The following LIMS2 variants were observed in gnomAD, a reference collection of about 807,000 sequenced individuals.
LIMS2 encodes LIM and senescent cell antigen-like-containing domain protein 2.
In LIMS2, 30 loss-of-function variants were observed where a neutral mutation model predicts 45.3. The ratio of observed to expected loss-of-function variants is 0.66; its 90% CI spans 0.50 to 0.90. The LOEUF is 0.90. LIMS2 is among the 40% of genes least tolerant of loss of function. LIMS2 has a pLI of 0.00. For missense variants in LIMS2, 485 were observed against 468.7 expected (o/e 1.03, Z -0.32); for synonymous variants, 173 against 188.0 (o/e 0.92, Z 0.65).
In LIMS2 at chr2:127,671,868, G is replaced by A. The variant is rs534068695; in HGVS notation, c.11+3146C>T. The stretch of plus-strand genomic sequence containing the variant: ...TTTACAGTTTGCTTAAGCCCCTGAC[G>A]CCACTGCAGCCTCGTGTGCTGTGCT... On this transcript the variant is annotated intron_variant, in intron 1 of 9. Transcript: ENST00000355119. This position sits in a 1 kb window ranked among gnomAD's most constrained non-coding sequence, Gnocchi z 4.1. Among the ~76,000 whole-genome samples, 109 of 151,590 alleles carry A rather than the reference G, an allele frequency of 7.2e-4. No individual in the cohort carries two copies. The highest frequency in any genetic ancestry group is 2.3e-3 in the African/African-American group (95 of 40,858).
intron 1 of LIMS2, among the ~76,000 whole-genome samples, chr2:127,658,164 G>A (rs1193717391): frequency 2.6e-5 from 4 of 152,192 alleles, no homozygotes; most frequent in Non-Finnish European, 5.9e-5. Flanking sequence ...CAAGGTGGGC[G>A]GATCCCTTGA....
In LIMS2 at chr2:127,654,911, CAG is replaced by C. The variant is rs1684152910; in HGVS notation, c.172-17_172-16del. The C allele has an allele frequency of 6.2e-7, 1 of 1,612,818 alleles. No homozygotes were observed. The highest frequency in any genetic ancestry group is 8.5e-7 in the Non-Finnish European group (1 of 1,179,224). Reference sequence around the variant, plus strand: ...CGGCCTTCAAACTGCAAAGGGGTCGCAGAGAGAGGACAAGCAAACCACCTATC... The same window carrying C: ...CGGCCTTCAAACTGCAAAGGGGTCGCAGAGAGGACAAGCAAACCACCTATC... On this transcript the variant is annotated splice_polypyrimidine_tract_variant and intron_variant, in intron 2 of 9. Coordinates refer to ENST00000355119, the MANE Select transcript of LIMS2 (RefSeq NM_001161403.3).
chr2:127,641,151 T>C, intron 6 of LIMS2, 163 bp from the exon 7 acceptor site: 1 of 609,912 alleles, frequency 1.6e-6, no homozygotes, highest in Non-Finnish European at 3.0e-6. Context: ...AAGCAGAGTC[T>C]GGGCAGGTGC....
intron 1 of LIMS2, among the ~76,000 whole-genome samples, chr2:127,662,482 A>G (rs1278311119): frequency 6.6e-6 from 1 of 151,932 alleles, no homozygotes; most frequent in East Asian, 1.9e-4. Flanking sequence ...ACCTGGCCAC[A>G]TGAGGTCAAC....
intron 1 of LIMS2, chr2:127,673,623 G>T: frequency 6.6e-7 from 1 of 1,524,430 alleles, no homozygotes; most frequent in Non-Finnish European, 8.9e-7. Context: ...CACCCTTCAC[G>T]GCTCTGTTCT....
At chr2:127,680,210 G>A (rs573843055), upstream of LIMS2, among the ~76,000 whole-genome samples, 1 of 152,378 alleles carries the variant, frequency 6.6e-6, no homozygotes, top group South Asian at 2.1e-4. Flanking sequence ...CTGGGCCAAA[G>A]GAAGAATAGT....
At chr2:127,639,774 T>C (rs1682218374) in intron 9 of LIMS2, among the ~76,000 whole-genome samples, 1 of 152,198 alleles carries the variant, frequency 6.6e-6, no homozygotes, top group South Asian at 2.1e-4. Flanking sequence ...CTTTTGCATA[T>C]GCTGTTCCCT....
intron 7 of LIMS2, 167 bp downstream of exon 7, chr2:127,640,729 T>C (rs1682319638): frequency 1.6e-6 from 1 of 638,022 alleles, no homozygotes; most frequent in Non-Finnish European, 2.8e-6. Context: ...TGAAGAGAGC[T>C]GCCCAGGTCT....
rs901003319 is a variant in LIMS2 at position 127,650,706 on chromosome 2, T to G, written c.359+3718A>C. 8 of 1,586,624 alleles carry G rather than the reference T, an allele frequency of 5.0e-6. No individual in the cohort carries two copies. In the African/African-American group the frequency reaches 9.5e-5, roughly 19 times the overall value. On this transcript the variant is annotated intron_variant, in intron 4 of 9. Coordinates refer to ENST00000355119, the MANE Select transcript of LIMS2 (RefSeq NM_001161403.3). ...AAGCTCATTGTGAACTGTTTGCTTG[T>G]TCCCTCCAGGCTCTGACTCCAGCCA... is the stretch of plus-strand genomic sequence containing the variant.
chr2:127,652,317 C>G (rs931384926), intron 4 of LIMS2: 1 of 173,432 alleles, frequency 5.8e-6, no homozygotes, highest in African/African-American at 2.4e-5. Context: ...CGGACGTCAG[C>G]ACTCACGGCC....
chr2:127,661,975 T>G (rs1365496703), intron 1 of LIMS2, among the ~76,000 whole-genome samples: 1 of 152,146 alleles, frequency 6.6e-6, no homozygotes, highest in African/African-American at 2.4e-5. Context: ...CTTCCTGATA[T>G]CTGAGTCAAG....
chr2:127,664,189 C>T lies in LIMS2; in HGVS notation c.12-6627G>A, dbSNP rs34006819. The T allele has an allele frequency of 0.14, 118,904 of 835,478 alleles. 8,951 individuals are homozygous for T. The highest frequency in any genetic ancestry group is 0.25 in the South Asian group (4,153 of 16,758). 51.8% of individuals were successfully genotyped at this position (835,478 alleles called of 1,614,324 possible). ...CGCCAACCCAGGGCCCATCCGACGC[C>T]GGGGCAGAGCCCACGGCGTCGGAGG... On this transcript the variant is annotated intron_variant, in intron 1 of 9. Coordinates refer to ENST00000355119, the MANE Select transcript of LIMS2 (RefSeq NM_001161403.3). This position sits in a 1 kb window ranked among gnomAD's most constrained non-coding sequence, Gnocchi z 5.5.
At chr2:127,640,037 C>A in intron 9 of LIMS2, 33 bp downstream of exon 9, 3 of 1,608,790 alleles carry the variant, frequency 1.9e-6, no homozygotes, top group Non-Finnish European at 2.6e-6. Context: ...CCCCCTCCAC[C>A]CTGAGCCCCA....
chr2:127,652,859 C>T (rs926886850), intron 4 of LIMS2, among the ~76,000 whole-genome samples: 3 of 152,238 alleles, frequency 2.0e-5, no homozygotes, highest in Non-Finnish European at 2.9e-5. Context: ...CACCCTGCAC[C>T]GTCCTTACGG....
chr2:127,643,758 C>T (rs1682667802), intron 4 of LIMS2, among the ~76,000 whole-genome samples: 1 of 152,130 alleles, frequency 6.6e-6, no homozygotes, highest in Non-Finnish European at 1.5e-5. Context: ...ATTCAGAGTC[C>T]CCAGGCAAAG....
At chr2:127,665,406 A>G (rs1278702418) in intron 1 of LIMS2, among the ~76,000 whole-genome samples, 2 of 152,190 alleles carry the variant, frequency 1.3e-5, no homozygotes, top group Admixed American at 6.5e-5. Context: ...CCAGGCCCAC[A>G]CGCCACTGAG....
intron 4 of LIMS2, among the ~76,000 whole-genome samples, chr2:127,646,861 G>A (rs1419933314): frequency 4.6e-5 from 7 of 152,238 alleles, no homozygotes; most frequent in African/African-American, 7.2e-5. Flanking sequence ...AGAGTGAAGC[G>A]GGGCCCATCT....
chr2:127,648,053 C>A (rs1683192907), intron 4 of LIMS2: 1 of 985,884 alleles, frequency 1.0e-6, no homozygotes, highest in South Asian at 4.7e-5. Context: ...TTCTTCGGCC[C>A]TCAGCTCTCC....
intron 4 of LIMS2, among the ~76,000 whole-genome samples, chr2:127,652,990 C>T (rs955870467): frequency 5.3e-5 from 8 of 152,120 alleles, no homozygotes; most frequent in South Asian, 4.1e-4. Context: ...AGATTGGGCT[C>T]GCTCCACACA....
Sources: gnomAD v4.1 joint callset for allele counts (sites outside exome capture counted in the v4.1 genomes callset) on GRCh38, gnomAD v4.1.1 for gene constraint, Gnocchi (gnomAD v3.1) non-coding constraint, MANE v1.5 for transcripts, NCBI Gene and HGNC (gene_info 2026-07-23, HGNC 2026-07-21) for gene names.